Variants in IL27RA observed in about 807,000 individuals in gnomAD.
IL27RA encodes interleukin-27 receptor subunit alpha.
Under a neutral mutation model 80.8 loss-of-function variants are expected in IL27RA, and 61 were observed. That is an observed-to-expected ratio of 0.76 (90% CI 0.61 to 0.93). The LOEUF (loss-of-function observed/expected upper bound fraction) is 0.93, where lower values mean the gene tolerates loss of function less well. Ranked by LOEUF, IL27RA falls within the 40% of genes least tolerant of loss-of-function variation. The probability of loss-of-function intolerance (pLI) is 0.00; values close to 1 mark genes in which losing one functional copy is unlikely to be tolerated. For missense variants in IL27RA, 735 were observed against 808.1 expected (o/e 0.91, Z 1.10); for synonymous variants, 316 against 332.5 (o/e 0.95, Z 0.54).
chr19:14,033,918 C>T (rs1177904879), intron 2 of IL27RA, among the ~76,000 whole-genome samples: 3 of 152,046 alleles, frequency 2.0e-5, no homozygotes, highest in Admixed American at 1.3e-4. Context: ...GAGCTGAGAT[C>T]GCACCACTGC....
intron 2 of IL27RA, among the ~76,000 whole-genome samples, chr19:14,037,265 C>CTT (rs59108452): frequency 1.2e-4 from 18 of 144,968 alleles, no homozygotes; most frequent in African/African-American, 4.3e-4. Flanking sequence ...TTTATTTTTA[C>CTT]TTTTTTTTTT....
chr19:14,049,151 C>G lies in IL27RA; in HGVS notation c.1244-5C>G, dbSNP rs375852024. 4.3e-6 allele frequency: 7 copies of G among 1,613,262 alleles called. No homozygotes were observed. The African/African-American group carries it at 9.3e-5, about 22-fold the overall frequency. On this transcript the variant is annotated splice_region_variant and splice_polypyrimidine_tract_variant and intron_variant, in intron 9 of 13. Coordinates refer to ENST00000263379, the MANE Select transcript of IL27RA (RefSeq NM_004843.4). The stretch of plus-strand genomic sequence containing the variant: ...CCGACCTTGACCTACTGCCTTCCTC[C>G]CCAGCACCCCTAGTGGGGCCAACGC...
At chr19:14,043,578 C>T (rs1976021740) in intron 6 of IL27RA, among the ~76,000 whole-genome samples, 2 of 151,408 alleles carry the variant, frequency 1.3e-5, no homozygotes, top group African/African-American at 4.9e-5. Flanking sequence ...TGCCCCCCCA[C>T]CACGCCCGGC....
At chr19:14,033,861 G>C (rs566403547) in intron 2 of IL27RA, among the ~76,000 whole-genome samples, 1 of 152,088 alleles carries the variant, frequency 6.6e-6, no homozygotes, top group East Asian at 1.9e-4. Context: ...TTACTCAGGA[G>C]GCTGAGGCAG....
chr19:14,046,454 T>G lies in IL27RA; in HGVS notation c.977T>G (p.Val326Gly). The G allele has an allele frequency of 6.2e-7, 1 of 1,614,098 alleles. No homozygotes were observed. Among genetic ancestry groups the G allele is most frequent in the Non-Finnish European group, 8.5e-7 (1 of 1,180,024 alleles). ...GATTCAGCCTCTGCCCCCCGTAGCG[T>G]GGCAGTCAGCAGCATCGCTGGGAGC... Reference protein sequence around the residue: ...CLDSASAPRSVAVSSIAGSTE... With the variant: ...CLDSASAPRSGAVSSIAGSTE... The change falls in exon 8 of 14, where the codon GTG (valine) becomes GGG (glycine). Residue 326 changes from valine (V) to glycine (G), a missense_variant. Val to Gly is a moderately radical substitution (Grantham distance 109). Transcript: ENST00000263379.
In IL27RA at chr19:14,052,372, T is replaced by C. The variant is rs1476223264; in HGVS notation, c.*82T>C. 6.1e-6 allele frequency: 7 copies of C among 1,139,136 alleles called. No individual in the cohort carries two copies. The highest frequency in any genetic ancestry group is 8.4e-6 in the Non-Finnish European group (7 of 832,578). 70.6% of individuals were successfully genotyped at this position (1,139,136 alleles called of 1,614,324 possible). A position where few individuals can be genotyped will look rare whatever the true frequency, so the allele number is the denominator to read the frequency against. ...CACCCCAGTCCTGGATTAGCCCTCTTGATGGATGAAGACACTGAGGACTCA... is the reference window on the plus strand; with the variant it reads ...CACCCCAGTCCTGGATTAGCCCTCTCGATGGATGAAGACACTGAGGACTCA... On this transcript the variant is annotated 3_prime_UTR_variant, in exon 14 of 14. Coordinates refer to ENST00000263379, the MANE Select transcript of IL27RA (RefSeq NM_004843.4).
chr19:14,048,933 T>G (rs895399730), intron 8 of IL27RA, 48 bp from the exon 9 acceptor site: 1 of 1,509,298 alleles, frequency 6.6e-7, no homozygotes, highest in Non-Finnish European at 9.2e-7. Flanking sequence ...GAAATGAGCA[T>G]GGGAAGGAGA....
chr19:14,049,283 G>A lies in IL27RA; in HGVS notation c.1371G>A (p.Gln457=). The change falls in exon 10 of 14, where the codon CAG becomes CAA. Residue 457 remains glutamine, a synonymous_variant. Coordinates refer to ENST00000263379, the MANE Select transcript of IL27RA (RefSeq NM_004843.4). ...TCACCCACTACACCTTGTGTGCACAGAGTGGAACCAGCCCCTCCGTCTGCA... is the reference window on the plus strand; with the variant it reads ...TCACCCACTACACCTTGTGTGCACAAAGTGGAACCAGCCCCTCCGTCTGCA... ...GHLTHYTLCA[Q]SGTSPSVCMN... 2 of 1,614,096 alleles carry A rather than the reference G, an allele frequency of 1.2e-6. No homozygotes were observed. Among genetic ancestry groups the A allele is most frequent in the Non-Finnish European group, 8.5e-7 (1 of 1,180,018 alleles).
intron 10 of IL27RA, among the ~76,000 whole-genome samples, chr19:14,050,063 C>T (rs1362119188): frequency 1.3e-5 from 2 of 151,928 alleles, no homozygotes; most frequent in Non-Finnish European, 2.9e-5. Context: ...GTGGCACAGC[C>T]TGTAGTCCAG....
chr19:14,047,657 CT>C (rs757895872), intron 8 of IL27RA, among the ~76,000 whole-genome samples: 21,691 of 108,054 alleles, frequency 0.2, 1,809 homozygotes, highest in East Asian at 0.4. Context: ...ATGCCTGGCC[CT>C]TTTTTTTTTT....
At position 14,038,587 on chromosome 19, in the gene IL27RA, A is replaced by G. The variant is rs1247177400; in HGVS notation, c.219-921A>G. 1.3e-3 allele frequency among the ~76,000 whole-genome samples: 197 copies of G among 148,888 alleles called. 1 individual carries two copies. The highest frequency in any genetic ancestry group is 4.6e-3 in the East Asian group (23 of 4,954). On this transcript the variant is annotated intron_variant, in intron 2 of 13. Transcript: ENST00000263379. ...GTCTCTAAAAAAAAAAAAAAAAAAA[A>G]AGAGAGAGAGGAAAGGGCCGGGCGC...
At chr19:14,036,813 T>G (rs946792811) in intron 2 of IL27RA, among the ~76,000 whole-genome samples, 1 of 149,704 alleles carries the variant, frequency 6.7e-6, no homozygotes, top group Non-Finnish European at 1.5e-5. Context: ...TAAGGTTGAA[T>G]AGTATTCCAT....
intron 6 of IL27RA, among the ~76,000 whole-genome samples, chr19:14,044,050 CAAAAAAAAAA>C (rs111909254): frequency 1.2e-5 from 1 of 85,158 alleles, no homozygotes; most frequent in African/African-American, 4.3e-5. Flanking sequence ...CTCTGTCTCA[CAAAAAAAAAA>C]AAAAAAAAGG....
rs1166940220 is a variant in IL27RA, at chr19:14,052,561, C to T, written c.*271C>T. On this transcript the variant is annotated 3_prime_UTR_variant, in exon 14 of 14. Coordinates refer to ENST00000263379, the MANE Select transcript of IL27RA (RefSeq NM_004843.4). Reference sequence around the variant, plus strand: ...GGCAGCTGCCTGCCAAAATCTGTTCCGCTGTAACAGAACTGAATTTGGACC... The same window carrying T: ...GGCAGCTGCCTGCCAAAATCTGTTCTGCTGTAACAGAACTGAATTTGGACC... 3.2e-5 allele frequency: 12 copies of T among 377,460 alleles called. No individual in the cohort carries two copies. The highest frequency in any genetic ancestry group is 1.3e-4 in the East Asian group (3 of 23,124). 23.4% of individuals were successfully genotyped at this position (377,460 alleles called of 1,614,324 possible). A position where few individuals can be genotyped will look rare whatever the true frequency, so the allele number is the denominator to read the frequency against.
intron 2 of IL27RA, 92 bp from the exon 3 acceptor site, chr19:14,039,416 C>A: frequency 7.0e-7 from 1 of 1,427,692 alleles, no homozygotes; most frequent in African/African-American, 1.4e-5. Flanking sequence ...CCAAGCAGAG[C>A]AGGCTGCAGC....
intron 2 of IL27RA, among the ~76,000 whole-genome samples, chr19:14,035,491 G>T (rs1975884348): frequency 6.6e-6 from 1 of 152,064 alleles, no homozygotes; most frequent in Admixed American, 6.6e-5. Context: ...CGCCTCCCGG[G>T]TTCCAGCAAT....
rs767841478 is a variant in IL27RA at position 14,049,582 on chromosome 19, A to AT, written c.1402+286dup. 1.0e-2 allele frequency among the ~76,000 whole-genome samples: 1,362 copies of AT among 136,788 alleles called. 8 individuals are homozygous for AT. Among genetic ancestry groups the AT allele is most frequent in the African/African-American group, 0.016 (610 of 37,316 alleles). The allele number at this position is 136,788 out of a possible 152,430, so 89.7% of individuals were successfully genotyped here. A position where few individuals can be genotyped will look rare whatever the true frequency, so the allele number is the denominator to read the frequency against. ...TGTTAAAATTCCGTGGTATGGTTCC[A>AT]TTTTTTTTTTTTTTTTTTGAGACAG... On this transcript the variant is annotated intron_variant, in intron 10 of 13. Coordinates refer to ENST00000263379, the MANE Select transcript of IL27RA (RefSeq NM_004843.4).
rs1350145134 is a variant in IL27RA, at chr19:14,051,969, T to C, written c.1712T>C (p.Met571Thr). 1.9e-6 allele frequency: 3 copies of C among 1,577,816 alleles called. No homozygotes were observed. The highest frequency in any genetic ancestry group is 2.6e-6 in the Non-Finnish European group (3 of 1,162,478). Residue 571 changes from methionine to threonine, a missense_variant, in exon 13 of 14, where the codon ATG (methionine) becomes ACG (threonine). Physicochemically the swap from Met to Thr is moderately conservative, Grantham distance 81. Coordinates refer to ENST00000263379, the MANE Select transcript of IL27RA (RefSeq NM_004843.4). The stretch of plus-strand genomic sequence containing the variant: ...AACAGCAGTTCAGGCCAGCCCCACA[T>C]GGAGGTGAGTCAAAGGGCCGGCTAG... Reference protein sequence around the residue: ...PANSSSGQPHMEQVPEAQPLG... With the variant: ...PANSSSGQPHTEQVPEAQPLG...
Position 14,039,636 on chromosome 19 carries a change from C to A in IL27RA, c.347C>A (p.Pro116His). The A allele has an allele frequency of 1.6e-5, 26 of 1,614,000 alleles. No homozygotes were observed. The highest frequency in any genetic ancestry group is 2.2e-5 in the Non-Finnish European group (26 of 1,179,950). The part of the protein sequence containing the change: ...WGTKAGQPLW[P>H]PVFVNLETQM... ...ACTAAGGCAGGCCAGCCTCTCTGGC[C>A]CCCCGTCTTCGTGAACCTAGAAACC... Residue 116 changes from proline (P) to histidine (H), a missense_variant, in exon 3 of 14, where the codon CCC (proline) becomes CAC (histidine). Transcript: ENST00000263379.
Sources: gnomAD v4.1 joint callset for allele counts (sites outside exome capture counted in the v4.1 genomes callset) on GRCh38, gnomAD v4.1.1 for gene constraint, MANE v1.5 for transcripts, NCBI Gene and HGNC (gene_info 2026-07-23, HGNC 2026-07-21) for gene names.